Variants in TOM1 observed in about 807,000 individuals in gnomAD.
TOM1 encodes target of myb1 membrane trafficking protein.
In TOM1, 38 loss-of-function variants were observed where a neutral mutation model predicts 61.3. That is an observed-to-expected ratio of 0.62 (90% CI 0.48 to 0.81). The LOEUF (loss-of-function observed/expected upper bound fraction) is 0.81, where lower values mean the gene tolerates loss of function less well. Ranked by LOEUF, TOM1 falls within the 40% of genes least tolerant of loss-of-function variation. TOM1 has a pLI of 0.00. For missense variants in TOM1, 591 were observed against 659.6 expected, an observed-to-expected ratio of 0.90 and a Z score of 1.14; for synonymous variants, 270 against 268.8, an observed-to-expected ratio of 1.00 and a Z score of -0.04.
At chr22:35,337,055 C>G (rs956832529) in intron 11 of TOM1, among the ~76,000 whole-genome samples, 3 of 152,044 alleles carry the variant, frequency 2.0e-5, no homozygotes, top group Non-Finnish European at 4.4e-5. Context: ...CCTGCCTCAG[C>G]CTCCCGAGTA....
chr22:35,301,193 C>T (rs2145594184), intron 1 of TOM1, among the ~76,000 whole-genome samples: 1 of 152,286 alleles, frequency 6.6e-6, no homozygotes, highest in African/African-American at 2.4e-5. Context: ...CGCCACTGTA[C>T]TCCAGCCTGG....
intron 6 of TOM1, among the ~76,000 whole-genome samples, chr22:35,325,744 T>C (rs1601692120): frequency 6.6e-6 from 1 of 152,230 alleles, no homozygotes; most frequent in South Asian, 2.1e-4. Flanking sequence ...GTCTAGCATC[T>C]GTGTGGATTA....
At chr22:35,334,264 C>T in intron 10 of TOM1, 64 bp from the exon 11 acceptor site, 2 of 1,562,462 alleles carry the variant, frequency 1.3e-6, no homozygotes, top group South Asian at 2.3e-5. Flanking sequence ...CAGCAGGTAG[C>T]TCAGCAGCAG....
chr22:35,343,591 C>CTCAT (rs1569041404), intron 12 of TOM1, among the ~76,000 whole-genome samples: 9 of 142,434 alleles, frequency 6.3e-5, no homozygotes, highest in African/African-American at 2.2e-4. Context: ...TACACCTACA[C>CTCAT]ACACCCCTAC....
At chr22:35,312,099 A>C (rs541074314) in intron 1 of TOM1, among the ~76,000 whole-genome samples, 1 of 151,294 alleles carries the variant, frequency 6.6e-6, no homozygotes, top group Non-Finnish European at 1.5e-5. Context: ...CTAAAAATAC[A>C]AAAAAAAATT....
chr22:35,321,168 A>G (rs192461664), intron 2 of TOM1, among the ~76,000 whole-genome samples: 13 of 152,018 alleles, frequency 8.6e-5, no homozygotes, highest in African/African-American at 3.1e-4. Context: ...TGGGCAACAT[A>G]GCAAGACCCC....
rs1293902092 is a variant in TOM1 at position 35,345,785 on chromosome 22, G to A, written c.1284+1G>A. On this transcript the variant is annotated splice_donor_variant, in intron 13 of 14. Coordinates refer to ENST00000449058, the MANE Select transcript of TOM1 (RefSeq NM_005488.3). LOFTEE classifies it high-confidence loss of function. ...CGAGCAGTGGCTGTCCACTGACGTG[G>A]TATGTTGGGGCCCACTCCTCACCCA... 6.8e-6 allele frequency: 11 copies of A among 1,613,816 alleles called. No individual in the cohort carries two copies. The highest frequency in any genetic ancestry group is 9.3e-6 in the Non-Finnish European group (11 of 1,180,008).
intron 13 of TOM1, 114 bp downstream of exon 13, chr22:35,345,898 G>A: frequency 8.8e-7 from 1 of 1,135,258 alleles, no homozygotes; most frequent in Non-Finnish European, 1.3e-6. Context: ...TGAGAGCAGA[G>A]GGGCACACTT....
intron 2 of TOM1, among the ~76,000 whole-genome samples, chr22:35,321,000 A>AAAAAAAAAAAAAG (rs1181162681): frequency 6.6e-6 from 1 of 150,586 alleles, no homozygotes; most frequent in East Asian, 2.0e-4. Flanking sequence ...AAAAAAAAAA[A>AAAAAAAAAAAAAG]ACTTGAATGG....
chr22:35,329,386 A>G (rs1187619135), intron 7 of TOM1, among the ~76,000 whole-genome samples: 1 of 152,262 alleles, frequency 6.6e-6, no homozygotes, highest in Non-Finnish European at 1.5e-5. Flanking sequence ...AAACCTGAAT[A>G]AAGTCCGCAG....
chr22:35,341,041 C>T (rs1337938288), intron 12 of TOM1, among the ~76,000 whole-genome samples: 1 of 152,244 alleles, frequency 6.6e-6, no homozygotes, highest in African/African-American at 2.4e-5. Context: ...ACCCGTGTCA[C>T]ATCCACCGCA....
intron 9 of TOM1, 57 bp downstream of exon 9, chr22:35,333,071 C>A: frequency 6.4e-7 from 1 of 1,550,810 alleles, no homozygotes; most frequent in Non-Finnish European, 8.9e-7. Flanking sequence ...AGAAGGAGTG[C>A]CATTCTCACC....
intron 3 of TOM1, 148 bp from the exon 4 acceptor site, chr22:35,322,880 C>T (rs1927925704): frequency 1.1e-6 from 1 of 942,008 alleles, no homozygotes; most frequent in South Asian, 1.7e-5. Flanking sequence ...TTGTCCCAGT[C>T]CTCCACATTC....
At chr22:35,327,162 C>A in intron 6 of TOM1, 109 bp from the exon 7 acceptor site, 1 of 1,041,294 alleles carries the variant, frequency 9.6e-7, no homozygotes. Flanking sequence ...GCTGGGAGGT[C>A]GGCTCCCTGG....
chr22:35,336,081 G>A (rs1929307504), intron 11 of TOM1, among the ~76,000 whole-genome samples: 1 of 152,154 alleles, frequency 6.6e-6, no homozygotes, highest in Non-Finnish European at 1.5e-5. Flanking sequence ...GCACAGGAAG[G>A]ATCTTTTTTC....
At chr22:35,328,807 C>T (rs1328447771) in intron 7 of TOM1, among the ~76,000 whole-genome samples, 2 of 152,236 alleles carry the variant, frequency 1.3e-5, no homozygotes, top group African/African-American at 2.4e-5. Context: ...GGCGTGCTGG[C>T]GTGAGGCCAC....
chr22:35,303,905 A>G (rs1926082354), intron 1 of TOM1, among the ~76,000 whole-genome samples: 1 of 152,300 alleles, frequency 6.6e-6, no homozygotes, highest in East Asian at 1.9e-4. Flanking sequence ...GAGAGCAGGA[A>G]CTGTGCCTTA....
intron 1 of TOM1, among the ~76,000 whole-genome samples, chr22:35,303,755 C>T (rs1273596938): frequency 6.6e-6 from 1 of 152,142 alleles, no homozygotes; most frequent in Non-Finnish European, 1.5e-5. Flanking sequence ...ACCTTAGCCT[C>T]CCAAAGTGCT....
intron 1 of TOM1, among the ~76,000 whole-genome samples, chr22:35,314,445 C>T (rs549964483): frequency 2.4e-3 from 358 of 150,104 alleles, no homozygotes; most frequent in Non-Finnish European, 4.3e-3. Context: ...GACTCATGCA[C>T]GGGGTGGGGG....
Sources: allele counts gnomAD v4.1 joint callset (sites outside exome capture counted in the v4.1 genomes callset), GRCh38; gene constraint gnomAD v4.1.1; transcripts MANE v1.5; gene names NCBI Gene and HGNC (gene_info 2026-07-23, HGNC 2026-07-21).